The following FAM222A variants were observed in gnomAD, a reference collection of about 807,000 sequenced individuals.
The protein encoded by FAM222A is protein FAM222A.
In FAM222A, 7 loss-of-function variants were observed where a neutral mutation model predicts 25.8. The observed-to-expected ratio is 0.27, with a 90% CI of 0.15 to 0.51. The LOEUF (loss-of-function observed/expected upper bound fraction) is 0.51. FAM222A is among the 20% of genes least tolerant of loss of function. The probability of loss-of-function intolerance (pLI) is 0.97; values close to 1 mark genes in which losing one functional copy is unlikely to be tolerated. For missense variants in FAM222A, 573 were observed against 640.5 expected (o/e 0.89, Z 1.14); for synonymous variants, 294 against 298.8 (o/e 0.98, Z 0.17).
chr12:109,725,429 T>TCCCTCCCCCA (rs1192914656), intron 1 of FAM222A, among the ~76,000 whole-genome samples: 1 of 141,706 alleles, frequency 7.1e-6, no homozygotes, highest in Non-Finnish European at 1.6e-5. Context: ...CTTCTCCCTC[T>TCCCTCCCCCA]CCCTCCCCCT....
In FAM222A at chr12:109,714,566, C is replaced by G. The variant is rs1346230695; in HGVS notation, c.-378C>G. ...GCGCGGGCCGAGCTGCAGCCTTGAG[C>G]GGGGCCCCGAGGGGAGGCGCAGCGC... On this transcript the variant is annotated 5_prime_UTR_variant, in exon 1 of 3. Coordinates refer to ENST00000538780, the MANE Select transcript of FAM222A (RefSeq NM_032829.3). The surrounding 1 kb of genome is among the most constrained non-coding windows in gnomAD (Gnocchi z 4.2). The G allele has an allele frequency of 6.6e-6, 1 of 151,710 alleles. No homozygotes were observed. Among genetic ancestry groups the G allele is most frequent in the Admixed American group, 6.6e-5 (1 of 15,228 alleles). 9.4% of individuals were successfully genotyped at this position (151,710 alleles called of 1,614,324 possible).
In FAM222A at chr12:109,768,711, A is replaced by T; in HGVS notation, c.782A>T (p.Gln261Leu). ...PDCRKGTELG[Q>L]GATQALTLAG... Reference sequence around the variant, plus strand: ...TGCCGGAAAGGCACTGAGCTGGGCCAGGGAGCCACCCAAGCCTTGACGTTG... The same window carrying T: ...TGCCGGAAAGGCACTGAGCTGGGCCTGGGAGCCACCCAAGCCTTGACGTTG... The change falls in exon 3 of 3, where the codon CAG becomes CTG. Residue 261 changes from glutamine to leucine, a missense_variant. Transcript: ENST00000538780. 1 of 1,581,566 alleles carries T rather than the reference A, an allele frequency of 6.3e-7. No individual in the cohort carries two copies.
chr12:109,744,733 C>G (rs149602234), intron 2 of FAM222A: 78 of 985,344 alleles, frequency 7.9e-5, no homozygotes, highest in Non-Finnish European at 8.8e-5. Flanking sequence ...CTGAAACGCT[C>G]TGATTTGGTT....
intron 2 of FAM222A, among the ~76,000 whole-genome samples, chr12:109,749,466 T>C (rs1317132288): frequency 1.3e-5 from 2 of 152,186 alleles, no homozygotes; most frequent in African/African-American, 4.8e-5. Context: ...TTGTCTACTA[T>C]TTCTACTTTT....
chr12:109,765,913 C>G (rs563875040), intron 2 of FAM222A, among the ~76,000 whole-genome samples: 4 of 152,186 alleles, frequency 2.6e-5, no homozygotes, highest in African/African-American at 9.7e-5. Flanking sequence ...CTTTTGTTAA[C>G]GCCATCTACC....
chr12:109,723,928 A>G (rs1295032072), intron 1 of FAM222A, among the ~76,000 whole-genome samples: 3 of 149,024 alleles, frequency 2.0e-5, no homozygotes, highest in Admixed American at 6.6e-5. Context: ...CACCATATGC[A>G]AAAGAGAAAA....
In FAM222A at chr12:109,768,061, A is replaced by G. The variant is rs1299087745; in HGVS notation, c.132A>G (p.Ala44=). ...ATTCCTCCCGCTACCCGAGCCCAGC[A>G]GAACTGGACGCCTATGCCGAGAAGG... is the stretch of plus-strand genomic sequence containing the variant. ...AMHSSRYPSP[A]ELDAYAEKVA... Residue 44 remains alanine (A), a synonymous_variant, in exon 3 of 3, where the codon GCA becomes GCG. Transcript: ENST00000538780. 1 of 1,613,774 alleles carries G rather than the reference A, an allele frequency of 6.2e-7. No homozygotes were observed. The highest frequency in any genetic ancestry group is 1.3e-5 in the African/African-American group (1 of 74,910).
chr12:109,765,537 C>G (rs1889022096), intron 2 of FAM222A, among the ~76,000 whole-genome samples: 1 of 152,234 alleles, frequency 6.6e-6, no homozygotes, highest in Admixed American at 6.5e-5. Context: ...TGCCTGAAAT[C>G]TGTTTCTCCC....
intron 1 of FAM222A, among the ~76,000 whole-genome samples, chr12:109,741,442 G>A (rs1022563192): frequency 6.6e-6 from 1 of 152,206 alleles, no homozygotes; most frequent in African/African-American, 2.4e-5. Context: ...GAACTGCCTG[G>A]CATCCACCAT....
chr12:109,736,296 C>A (rs765572734), intron 1 of FAM222A, among the ~76,000 whole-genome samples: 3 of 152,210 alleles, frequency 2.0e-5, no homozygotes, highest in Non-Finnish European at 4.4e-5. Flanking sequence ...TTCCTACTTA[C>A]CTGTTGATAG....
chr12:109,768,464 G>A lies in FAM222A; in HGVS notation c.535G>A (p.Ala179Thr), dbSNP rs368204588. ...CGGCCTGCCCGCAGCCGCCACTGCCGCCTCCGTCATCCCCCTGCCGGGCCG... is the reference window on the plus strand; with the variant it reads ...CGGCCTGCCCGCAGCCGCCACTGCCACCTCCGTCATCCCCCTGCCGGGCCG... ...PPGLPAAATAASVIPLPGRGL... is the reference protein window; with the variant it reads ...PPGLPAAATATSVIPLPGRGL... The change falls in exon 3 of 3, where the codon GCC becomes ACC. Residue 179 changes from alanine to threonine, a missense_variant. By Grantham distance (58) the Ala-to-Thr change is moderately conservative (BLOSUM62 0). Transcript: ENST00000538780. 74 of 1,602,242 alleles carry A rather than the reference G, an allele frequency of 4.6e-5. No homozygotes were observed. Among genetic ancestry groups the A allele is most frequent in the African/African-American group, 1.1e-4 (8 of 74,844 alleles).
intron 1 of FAM222A, chr12:109,735,679 ATGT>A (rs1888065633): frequency 6.6e-6 from 1 of 152,056 alleles, no homozygotes; most frequent in Non-Finnish European, 1.5e-5. Flanking sequence ...CTCCATTTCC[ATGT>A]TGTTTCTCCA....
At position 109,769,198 on chromosome 12, in the gene FAM222A, G is replaced by C; in HGVS notation, c.1269G>C (p.Glu423Asp). Residue 423 changes from glutamate to aspartate, a missense_variant, in exon 3 of 3, where the codon GAG becomes GAC. By Grantham distance (45) the Glu-to-Asp change is conservative. Transcript: ENST00000538780. ...ACATCCGGCCGCCCTGCATCAAGGA[G>C]CAGATGCTGGGCAAGGGCTATGAGA... The part of the protein sequence containing the change: ...INDIRPPCIK[E>D]QMLGKGYETV... 6.2e-7 allele frequency: 1 copy of C among 1,612,374 alleles called. No individual in the cohort carries two copies. The highest frequency in any genetic ancestry group is 8.5e-7 in the Non-Finnish European group (1 of 1,179,780).
intron 1 of FAM222A, among the ~76,000 whole-genome samples, chr12:109,732,340 C>T (rs926570763): frequency 4.6e-5 from 7 of 152,270 alleles, no homozygotes; most frequent in Non-Finnish European, 7.3e-5. Flanking sequence ...AGAACTAGCA[C>T]TTGGTCTCAT....
intron 1 of FAM222A, among the ~76,000 whole-genome samples, chr12:109,731,464 C>T (rs1887946399): frequency 6.6e-6 from 1 of 152,212 alleles, no homozygotes; most frequent in South Asian, 2.1e-4. Context: ...GGAGCCTCTG[C>T]CCCTGCTGGA....
At chr12:109,721,021 T>A (rs1485615897) in intron 1 of FAM222A, among the ~76,000 whole-genome samples, 1 of 152,244 alleles carries the variant, frequency 6.6e-6, no homozygotes, top group Non-Finnish European at 1.5e-5. Context: ...TTTTGCCTAT[T>A]ATGAGAATCA....
At chr12:109,735,445 AG>A (rs1204148227) in intron 1 of FAM222A, 1 of 152,224 alleles carries the variant, frequency 6.6e-6, no homozygotes, top group Non-Finnish European at 1.5e-5. Context: ...TAAAAATAAA[AG>A]CTAGCTCTTA....
chr12:109,734,234 A>C (rs1377655394), intron 1 of FAM222A: 1 of 148,856 alleles, frequency 6.7e-6, no homozygotes, highest in African/African-American at 2.5e-5. Flanking sequence ...AAAGCTATGG[A>C]AGCCACTAGG....
At chr12:109,743,330 T>C in intron 1 of FAM222A, among the ~76,000 whole-genome samples, 1 of 152,190 alleles carries the variant, frequency 6.6e-6, no homozygotes, top group South Asian at 2.1e-4. Flanking sequence ...TGAAGGCAAG[T>C]GTCTGTGTGA....
Sources: allele counts gnomAD v4.1 joint callset (sites outside exome capture counted in the v4.1 genomes callset), GRCh38; gene constraint gnomAD v4.1.1; non-coding constraint Gnocchi (gnomAD v3.1); transcripts MANE v1.5; gene names NCBI Gene and HGNC (gene_info 2026-07-23, HGNC 2026-07-21).